The following EXOC4 variants were observed in gnomAD, a reference collection of about 807,000 sequenced individuals.
The protein encoded by EXOC4 is SEC8-like 1.
EXOC4 carries 71 observed loss-of-function variants against 107.2 expected under a neutral mutation model. That is an observed-to-expected ratio of 0.66 (90% confidence interval 0.55 to 0.81). The LOEUF is 0.81. Among genes scored for constraint, EXOC4 ranks in the 30% least tolerant of loss-of-function variants. The probability of loss-of-function intolerance (pLI) is 0.00; values close to 1 mark genes in which losing one functional copy is unlikely to be tolerated. For missense variants in EXOC4, 1,108 were observed against 1,189.6 expected, an observed-to-expected ratio of 0.93 and a Z score of 1.01; for synonymous variants, 456 against 441.2, an observed-to-expected ratio of 1.03 and a Z score of -0.42.
intron 6 of EXOC4, among the ~76,000 whole-genome samples, chr7:133,366,824 G>C (rs1796258554): frequency 1.3e-5 from 2 of 152,316 alleles, no homozygotes; most frequent in Admixed American, 1.3e-4. Context: ...CCCACAGTGA[G>C]CTTACAGTAG....
chr7:133,450,775 C>T (rs1798326496), intron 7 of EXOC4, among the ~76,000 whole-genome samples: 1 of 152,188 alleles, frequency 6.6e-6, no homozygotes. Flanking sequence ...AAATGAATTA[C>T]TAAGGTAAAC....
chr7:133,546,463 C>T (rs1274005110), intron 9 of EXOC4, among the ~76,000 whole-genome samples: 8 of 151,908 alleles, frequency 5.3e-5, no homozygotes, highest in African/African-American at 1.9e-4. Context: ...ACCATGTTGG[C>T]CAGGCTGGTC....
intron 12 of EXOC4, among the ~76,000 whole-genome samples, chr7:133,914,784 T>G (rs1799769090): frequency 6.6e-6 from 1 of 152,120 alleles, no homozygotes; most frequent in Admixed American, 6.6e-5. Flanking sequence ...TCCATTGAAG[T>G]AGAGCTTCCA....
intron 9 of EXOC4, among the ~76,000 whole-genome samples, chr7:133,581,608 A>G (rs1801273613): frequency 6.6e-6 from 1 of 151,292 alleles, no homozygotes; most frequent in Non-Finnish European, 1.5e-5. Context: ...AATACAAAAA[A>G]TTAGCCGGGC....
At chr7:133,811,489 A>T (rs1270845390) in intron 10 of EXOC4, among the ~76,000 whole-genome samples, 1 of 152,204 alleles carries the variant, frequency 6.6e-6, no homozygotes, top group Non-Finnish European at 1.5e-5. Context: ...AATTGGGGAA[A>T]ATAAAATAAA....
chr7:133,908,686 G>C (rs1308508121), intron 12 of EXOC4, among the ~76,000 whole-genome samples: 1 of 152,194 alleles, frequency 6.6e-6, no homozygotes, highest in Non-Finnish European at 1.5e-5. Flanking sequence ...CAAATGCTCA[G>C]AAGAATGCAT....
chr7:133,518,733 C>T (rs996716111), intron 9 of EXOC4, among the ~76,000 whole-genome samples: 7 of 152,034 alleles, frequency 4.6e-5, no homozygotes, highest in South Asian at 4.2e-4. Flanking sequence ...AATACAGTCG[C>T]GAAAGGACAA....
chr7:133,707,565 T>C (rs773778213), intron 10 of EXOC4, among the ~76,000 whole-genome samples: 1 of 151,380 alleles, frequency 6.6e-6, no homozygotes, highest in African/African-American at 2.4e-5. Flanking sequence ...CAATTTTTGC[T>C]CACCTCCCAG....
At chr7:133,876,197 T>G (rs1798844353) in intron 11 of EXOC4, among the ~76,000 whole-genome samples, 1 of 150,854 alleles carries the variant, frequency 6.6e-6, no homozygotes, top group Non-Finnish European at 1.5e-5. Flanking sequence ...CTCATATTGC[T>G]TAGGCTAAGG....
At chr7:133,854,714 C>T (rs530463754) in intron 11 of EXOC4, among the ~76,000 whole-genome samples, 99 of 151,410 alleles carry the variant, frequency 6.5e-4, no homozygotes, top group African/African-American at 2.3e-3. Context: ...CCTCCTAACT[C>T]CCACTCCAGC....
intron 3 of EXOC4, among the ~76,000 whole-genome samples, chr7:133,299,554 T>G (rs1794597359): frequency 6.6e-6 from 1 of 152,234 alleles, no homozygotes; most frequent in South Asian, 2.1e-4. Context: ...AATGGTATGC[T>G]TTTAGAACAA....
At chr7:133,748,532 T>G (rs1017278291) in intron 10 of EXOC4, among the ~76,000 whole-genome samples, 1 of 152,184 alleles carries the variant, frequency 6.6e-6, no homozygotes, top group South Asian at 2.1e-4. Flanking sequence ...GAAGGACTTA[T>G]GGAACCTTAG....
At chr7:133,729,313 GTTA>G (rs975462072) in intron 10 of EXOC4, among the ~76,000 whole-genome samples, 9 of 152,088 alleles carry the variant, frequency 5.9e-5, no homozygotes, top group Admixed American at 1.3e-4. Context: ...TTTTAAAAAT[GTTA>G]TTTTTTTGAG....
At chr7:133,384,949 G>A (rs984171806) in intron 7 of EXOC4, among the ~76,000 whole-genome samples, 1 of 152,032 alleles carries the variant, frequency 6.6e-6, no homozygotes, top group Admixed American at 6.6e-5. Context: ...CATGGCATTG[G>A]CTGAGAACAT....
chr7:133,468,814 T>A (rs1336737747), intron 7 of EXOC4, among the ~76,000 whole-genome samples: 2 of 151,790 alleles, frequency 1.3e-5, no homozygotes, highest in African/African-American at 2.4e-5. Context: ...TTTTTTAGTA[T>A]TTTTTTTGGC....
intron 10 of EXOC4, among the ~76,000 whole-genome samples, chr7:133,668,868 A>G (rs940611322): frequency 2.0e-5 from 3 of 152,120 alleles, no homozygotes; most frequent in African/African-American, 4.8e-5. Context: ...GGTCACTGGT[A>G]TAAGAGGCAG....
chr7:133,775,597 T>A (rs1796329173), intron 10 of EXOC4, among the ~76,000 whole-genome samples: 1 of 152,226 alleles, frequency 6.6e-6, no homozygotes, highest in Admixed American at 6.6e-5. Flanking sequence ...ATCTGGGATG[T>A]ATTCTCCCTA....
chr7:133,814,359 G>A (rs1030092054), intron 10 of EXOC4, among the ~76,000 whole-genome samples: 1 of 152,072 alleles, frequency 6.6e-6, no homozygotes, highest in African/African-American at 2.4e-5. Flanking sequence ...TCCACATTTG[G>A]GGGTAGAGGG....
At chr7:133,724,018 A>T (rs1013203816) in intron 10 of EXOC4, among the ~76,000 whole-genome samples, 5 of 152,306 alleles carry the variant, frequency 3.3e-5, no homozygotes, top group East Asian at 3.9e-4. Flanking sequence ...TATATATATT[A>T]AAAAAACTTA....
Sources: allele counts gnomAD v4.1 joint callset (sites outside exome capture counted in the v4.1 genomes callset), GRCh38; gene constraint gnomAD v4.1.1; transcripts MANE v1.5; gene names NCBI Gene and HGNC (gene_info 2026-07-23, HGNC 2026-07-21).